The following CDH22 variants were observed in gnomAD, a reference collection of about 807,000 sequenced individuals.
The protein encoded by CDH22 is cadherin 22.
Under a neutral mutation model 58.4 loss-of-function variants are expected in CDH22, and 30 were observed. The observed-to-expected ratio is 0.51, with a 90% CI of 0.38 to 0.70. The LOEUF is 0.70. CDH22 is among the 30% of genes least tolerant of loss of function. The pLI is 0.00. For missense variants in CDH22, 1,014 were observed against 1,233.9 expected, an observed-to-expected ratio of 0.82 and a Z score of 2.67; for synonymous variants, 513 against 558.2, an observed-to-expected ratio of 0.92 and a Z score of 1.14.
chr20:46,281,450 G>GA (rs1005751506), intron 1 of CDH22, among the ~76,000 whole-genome samples: 4 of 100,262 alleles, frequency 4.0e-5, no homozygotes, highest in African/African-American at 1.1e-4. Flanking sequence ...TTTGTAAATG[G>GA]AAAAAAATCA....
At chr20:46,228,579 G>A (rs547396601) in intron 3 of CDH22, among the ~76,000 whole-genome samples, 1 of 151,598 alleles carries the variant, frequency 6.6e-6, no homozygotes, top group Non-Finnish European at 1.5e-5. Context: ...GTGGGGGAGG[G>A]TCAGGTGGAG....
chr20:46,263,465 T>C (rs77698802), intron 1 of CDH22, among the ~76,000 whole-genome samples: 3 of 151,640 alleles, frequency 2.0e-5, no homozygotes, highest in African/African-American at 7.3e-5. Context: ...GCAGGGGAGA[T>C]ACATTTACTC....
At chr20:46,277,192 G>T (rs1825282216) in intron 1 of CDH22, among the ~76,000 whole-genome samples, 1 of 151,976 alleles carries the variant, frequency 6.6e-6, no homozygotes, top group African/African-American at 2.4e-5. Context: ...GATTTAAGGG[G>T]TGGCACAAGT....
At chr20:46,291,105 T>A (rs1480358603) in intron 1 of CDH22, among the ~76,000 whole-genome samples, 1 of 152,062 alleles carries the variant, frequency 6.6e-6, no homozygotes, top group Non-Finnish European at 1.5e-5. Context: ...GGCGAAACCC[T>A]GTCTCTACTA....
intron 1 of CDH22, among the ~76,000 whole-genome samples, chr20:46,290,541 G>A (rs2086596476): frequency 6.6e-6 from 1 of 152,218 alleles, no homozygotes; most frequent in Admixed American, 6.5e-5. Context: ...AGTGGGCCAG[G>A]AGTCAGGATA....
At position 46,227,463 on chromosome 20, in the gene CDH22, G is replaced by T. The variant is rs1417963520; in HGVS notation, c.670+45C>A. The stretch of plus-strand genomic sequence containing the variant: ...GTGGTCCTCGTCCCGCCCCGCCCCT[G>T]GCCCCGCCCCACGGCTCCGCCTCTG... On this transcript the variant is annotated intron_variant, in intron 4 of 11. Transcript: ENST00000537909. 9 of 1,218,730 alleles carry T rather than the reference G, an allele frequency of 7.4e-6. No individual in the cohort carries two copies. The Admixed American group carries it at 8.5e-5, about 11-fold the overall frequency. The allele number at this position is 1,218,730 out of a possible 1,614,324, so 75.5% of individuals were successfully genotyped here. A position where few individuals can be genotyped will look rare whatever the true frequency, so the allele number is the denominator to read the frequency against.
intron 10 of CDH22, among the ~76,000 whole-genome samples, chr20:46,181,759 CTTTCT>C (rs1568649881): frequency 9.4e-5 from 11 of 116,650 alleles, no homozygotes; most frequent in African/African-American, 3.3e-4. Flanking sequence ...TTCCTTCTTT[CTTTCT>C]TTCTTTCTTT....
In CDH22 at chr20:46,174,478, A is replaced by T; in HGVS notation, c.*28T>A. ...CCCGGCGTGTGCTGGGCGGGTGAGC[A>T]GCCGCGCCCCGACGGCAGGGCGAGG... On this transcript the variant is annotated 3_prime_UTR_variant, in exon 12 of 12. Transcript: ENST00000537909. This position sits in a 1 kb window ranked among gnomAD's most constrained non-coding sequence, Gnocchi z 4.4. 7.1e-7 allele frequency: 1 copy of T among 1,409,718 alleles called. No homozygotes were observed. Among genetic ancestry groups the T allele is most frequent in the East Asian group, 2.9e-5 (1 of 34,668 alleles). 87.3% of individuals were successfully genotyped at this position (1,409,718 alleles called of 1,614,324 possible).
At chr20:46,246,955 C>A (rs570309374) in intron 2 of CDH22, among the ~76,000 whole-genome samples, 2 of 141,158 alleles carry the variant, frequency 1.4e-5, no homozygotes, top group East Asian at 4.1e-4. Context: ...CTCGTACATA[C>A]GAGGGACTCA....
rs2086189348 is a variant in CDH22, at chr20:46,227,726, C to T, written c.551-99G>A. ...CAGGGAAGCTGGGAGAGGAGACCCTCGGGAGACCTGCGGGAGGCCATCGAA... is the reference window on the plus strand; with the variant it reads ...CAGGGAAGCTGGGAGAGGAGACCCTTGGGAGACCTGCGGGAGGCCATCGAA... On this transcript the variant is annotated intron_variant, in intron 3 of 11. Coordinates refer to ENST00000537909, the MANE Select transcript of CDH22 (RefSeq NM_021248.3). 1.3e-5 allele frequency: 20 copies of T among 1,490,348 alleles called. No homozygotes were observed. In the South Asian group the frequency reaches 2.1e-4, roughly 16 times the overall value. 92.3% of individuals were successfully genotyped at this position (1,490,348 alleles called of 1,614,324 possible). A position where few individuals can be genotyped will look rare whatever the true frequency, so the allele number is the denominator to read the frequency against.
intron 1 of CDH22, among the ~76,000 whole-genome samples, chr20:46,274,895 C>T (rs1464079428): frequency 2.0e-5 from 3 of 151,074 alleles, no homozygotes; most frequent in Non-Finnish European, 4.4e-5. Flanking sequence ...GAATAGGCAA[C>T]TCTATAGAGA....
intron 8 of CDH22, among the ~76,000 whole-genome samples, chr20:46,193,363 G>C (rs549715214): frequency 6.6e-6 from 1 of 151,970 alleles, no homozygotes; most frequent in Non-Finnish European, 1.5e-5. Context: ...TCTCTTTCCC[G>C]GGCAGCCTCC....
At chr20:46,217,111 A>C (rs943270203) in intron 4 of CDH22, 118 bp from the exon 5 acceptor site, 2 of 940,932 alleles carry the variant, frequency 2.1e-6, no homozygotes, top group Non-Finnish European at 3.2e-6. Flanking sequence ...GCTCAGGAGG[A>C]GAGTGGGCCA....
chr20:46,227,840 A>G (rs1461508052), intron 3 of CDH22, among the ~76,000 whole-genome samples: 1 of 152,132 alleles, frequency 6.6e-6, no homozygotes, highest in Non-Finnish European at 1.5e-5. Context: ...GTGACCATGG[A>G]GTCAGATCTG....
At chr20:46,258,425 C>T (rs2086416797) in intron 1 of CDH22, among the ~76,000 whole-genome samples, 2 of 152,206 alleles carry the variant, frequency 1.3e-5, no homozygotes, top group African/African-American at 4.8e-5. Context: ...CTCCCTGCAC[C>T]CCCTCCTCTA....
At chr20:46,272,833 C>G (rs2086498540) in intron 1 of CDH22, among the ~76,000 whole-genome samples, 1 of 152,176 alleles carries the variant, frequency 6.6e-6, no homozygotes, top group Non-Finnish European at 1.5e-5. Context: ...GCATTGTTTT[C>G]TGGTGTGTCT....
At chr20:46,298,287 C>T (rs2086637373) in intron 1 of CDH22, among the ~76,000 whole-genome samples, 1 of 152,216 alleles carries the variant, frequency 6.6e-6, no homozygotes, top group South Asian at 2.1e-4. Flanking sequence ...CTTCTCTCTT[C>T]TAGGTAAAAT....
At chr20:46,209,418 T>C (rs2145685510) in intron 7 of CDH22, among the ~76,000 whole-genome samples, 1 of 152,074 alleles carries the variant, frequency 6.6e-6, no homozygotes, top group South Asian at 2.1e-4. Context: ...GAGCTGTCAT[T>C]GTAAGGGCTT....
At chr20:46,287,716 T>C (rs189855151) in intron 1 of CDH22, among the ~76,000 whole-genome samples, 20 of 152,046 alleles carry the variant, frequency 1.3e-4, no homozygotes, top group African/African-American at 4.8e-4. Context: ...TGGGAAGCTA[T>C]TGAAAGCTTC....
Sources: gnomAD v4.1 joint callset for allele counts (sites outside exome capture counted in the v4.1 genomes callset) on GRCh38, gnomAD v4.1.1 for gene constraint, Gnocchi (gnomAD v3.1) non-coding constraint, MANE v1.5 for transcripts, NCBI Gene and HGNC (gene_info 2026-07-23, HGNC 2026-07-21) for gene names.